Variants in TLL1 observed in about 807,000 individuals in gnomAD.
TLL1 encodes tolloid-like protein 1.
TLL1 carries 49 observed loss-of-function variants against 128.2 expected under a neutral mutation model. The ratio of observed to expected loss-of-function variants is 0.38; its 90% CI spans 0.30 to 0.48. TLL1 has a LOEUF of 0.48. Among genes scored for constraint, TLL1 ranks in the 20% least tolerant of loss-of-function variants. The pLI is 0.96. For missense variants in TLL1, 1,123 were observed against 1,242.0 expected, an observed-to-expected ratio of 0.90 and a Z score of 1.44; for synonymous variants, 454 against 418.8, an observed-to-expected ratio of 1.08 and a Z score of -1.03.
At chr4:166,010,662 T>C (rs992246281) in intron 7 of TLL1, among the ~76,000 whole-genome samples, 1 of 151,156 alleles carries the variant, frequency 6.6e-6, no homozygotes, top group Non-Finnish European at 1.5e-5. Flanking sequence ...TGTCATCCTG[T>C]TTGTCTATTT....
chr4:165,981,150 G>GT (rs112412786), intron 1 of TLL1, among the ~76,000 whole-genome samples: 1 of 151,876 alleles, frequency 6.6e-6, no homozygotes, highest in Non-Finnish European at 1.5e-5. Context: ...CCTCTATAGA[G>GT]TTTTTTTCCC....
rs540856781 is a variant in TLL1, at chr4:166,011,965, G to A, written c.918-2471G>A. Among the ~76,000 whole-genome samples the A allele has an allele frequency of 2.0e-5, 3 of 151,458 alleles. No homozygotes were observed. In the Admixed American group the frequency reaches 2.0e-4, roughly 10 times the overall value. On this transcript the variant is annotated intron_variant, in intron 7 of 20. Coordinates refer to ENST00000061240, the MANE Select transcript of TLL1 (RefSeq NM_012464.5). The stretch of plus-strand genomic sequence containing the variant: ...GTTTTAAAAATTCTGAACTCACAGA[G>A]TCTATAAAAGTTCCAATTGTTTTTA...
chr4:166,045,318 A>C (rs1434772573), intron 12 of TLL1, among the ~76,000 whole-genome samples: 1 of 151,160 alleles, frequency 6.6e-6, no homozygotes, highest in Non-Finnish European at 1.5e-5. Context: ...TACTAAACCC[A>C]CTCTTCTTCT....
intron 16 of TLL1, among the ~76,000 whole-genome samples, chr4:166,073,187 A>G (rs1008663430): frequency 2.6e-5 from 4 of 151,380 alleles, no homozygotes; most frequent in Admixed American, 6.6e-5. Context: ...AAGAGCCTCT[A>G]GAAAGTCAGA....
chr4:165,910,311 T>G lies in TLL1; in HGVS notation c.169+36238T>G, dbSNP rs1170975650. On this transcript the variant is annotated intron_variant, in intron 1 of 20. Coordinates refer to ENST00000061240, the MANE Select transcript of TLL1 (RefSeq NM_012464.5). ...CTTAGAGGGGGCAACAAATGGAGGG[T>G]TTTTTACTTTCCTCTTCATTATTAT... 2.6e-5 allele frequency among the ~76,000 whole-genome samples: 4 copies of G among 151,974 alleles called. No individual in the cohort carries two copies. The South Asian group carries it at 8.3e-4, about 32-fold the overall frequency.
intron 1 of TLL1, among the ~76,000 whole-genome samples, chr4:165,909,979 CAG>C (rs1732452820): frequency 6.6e-6 from 1 of 151,960 alleles, no homozygotes; most frequent in Non-Finnish European, 1.5e-5. Flanking sequence ...AAGCAGGAAA[CAG>C]AGGCCAGAAG....
At chr4:166,029,669 T>G (rs1738667965) in intron 9 of TLL1, among the ~76,000 whole-genome samples, 2 of 152,096 alleles carry the variant, frequency 1.3e-5, no homozygotes, top group African/African-American at 2.4e-5. Context: ...AAATCCCTTT[T>G]CCTTCCATCC....
intron 1 of TLL1, among the ~76,000 whole-genome samples, chr4:165,962,355 T>A (rs1399593339): frequency 6.6e-6 from 1 of 152,110 alleles, no homozygotes; most frequent in Non-Finnish European, 1.5e-5. Flanking sequence ...AAATGGGAAA[T>A]CAAAACTACA....
At chr4:166,023,355 G>C (rs1346653353) in intron 8 of TLL1, among the ~76,000 whole-genome samples, 1 of 152,100 alleles carries the variant, frequency 6.6e-6, no homozygotes, top group Non-Finnish European at 1.5e-5. Flanking sequence ...AGTTGAGATT[G>C]AGCCACTGCA....
chr4:165,887,721 C>T (rs1731224886), intron 1 of TLL1, among the ~76,000 whole-genome samples: 3 of 152,050 alleles, frequency 2.0e-5, no homozygotes, highest in Admixed American at 2.0e-4. Context: ...ATTTTGATTG[C>T]CATGGCATTG....
At chr4:165,916,502 G>A (rs7658883) in intron 1 of TLL1, among the ~76,000 whole-genome samples, 78,006 of 152,012 alleles carry the variant, frequency 0.51, 21,674 homozygotes, top group East Asian at 0.98. Flanking sequence ...TGAACCAGAA[G>A]TAAGGTGCAT....
Position 165,873,339 on chromosome 4 carries a change from C to T in TLL1, c.-566C>T. On this transcript the variant is annotated 5_prime_UTR_variant, in exon 1 of 21. Transcript: ENST00000061240. Reference sequence around the variant, plus strand: ...GGTCTCGCGGCGTAGAAATGCCTGGCCCCCACCCCCTTCCTCGGTCTCCCC... The same window carrying T: ...GGTCTCGCGGCGTAGAAATGCCTGGTCCCCACCCCCTTCCTCGGTCTCCCC... 1 of 153,704 alleles carries T rather than the reference C, an allele frequency of 6.5e-6. No homozygotes were observed. Among genetic ancestry groups the T allele is most frequent in the Non-Finnish European group, 1.4e-5 (1 of 69,282 alleles). 9.5% of individuals were successfully genotyped at this position (153,704 alleles called of 1,614,324 possible).
At chr4:165,896,619 AT>A (rs1260309418) in intron 1 of TLL1, among the ~76,000 whole-genome samples, 2 of 150,578 alleles carry the variant, frequency 1.3e-5, no homozygotes, top group Non-Finnish European at 2.9e-5. Flanking sequence ...AGTAGTTGGG[AT>A]TACAGGCACC....
chr4:165,906,513 C>T (rs1352848560), intron 1 of TLL1, among the ~76,000 whole-genome samples: 1 of 152,090 alleles, frequency 6.6e-6, no homozygotes, highest in Non-Finnish European at 1.5e-5. Context: ...TGTACTGCTG[C>T]TCCATTTGGA....
At chr4:166,063,572 C>A (rs1740435916) in intron 15 of TLL1, among the ~76,000 whole-genome samples, 1 of 152,098 alleles carries the variant, frequency 6.6e-6, no homozygotes, top group Non-Finnish European at 1.5e-5. Flanking sequence ...TTGACAATAG[C>A]AAAGACTTGG....
At chr4:165,928,343 C>T (rs1348295271) in intron 1 of TLL1, among the ~76,000 whole-genome samples, 4 of 152,036 alleles carry the variant, frequency 2.6e-5, no homozygotes, top group African/African-American at 9.7e-5. Context: ...ACAGAAATAA[C>T]CATACACTGT....
At chr4:165,984,921 T>G (rs919646355) in intron 1 of TLL1, among the ~76,000 whole-genome samples, 5 of 151,982 alleles carry the variant, frequency 3.3e-5, no homozygotes, top group African/African-American at 1.2e-4. Flanking sequence ...AGTATTTTGG[T>G]TCTTAAAGCA....
chr4:165,919,801 C>T (rs2110886809), intron 1 of TLL1: 1 of 456,154 alleles, frequency 2.2e-6, no homozygotes, highest in Admixed American at 2.3e-5. Flanking sequence ...AAAACACTCA[C>T]TCTGGGATAC....
intron 14 of TLL1, among the ~76,000 whole-genome samples, chr4:166,059,225 A>G (rs1740173656): frequency 6.8e-6 from 1 of 147,512 alleles, no homozygotes; most frequent in South Asian, 2.1e-4. Flanking sequence ...ACACACACAC[A>G]TACACGTGCA....
Sources: gnomAD v4.1 joint callset for allele counts (sites outside exome capture counted in the v4.1 genomes callset) on GRCh38, gnomAD v4.1.1 for gene constraint, MANE v1.5 for transcripts, NCBI Gene and HGNC (gene_info 2026-07-23, HGNC 2026-07-21) for gene names.